The following NRG1 variants were observed in gnomAD, a reference collection of about 807,000 sequenced individuals.
NRG1 encodes the protein neuregulin 1, also known as pro-neuregulin-1, membrane-bound isoform.
In NRG1, 18 loss-of-function variants were observed where a neutral mutation model predicts 63.8. The ratio of observed to expected loss-of-function variants is 0.28; its 90% CI spans 0.19 to 0.42. The LOEUF (loss-of-function observed/expected upper bound fraction) is 0.42. NRG1 is among the 10% of genes least tolerant of loss of function. The pLI is 1.00. For missense variants in NRG1, 762 were observed against 814.7 expected, an observed-to-expected ratio of 0.94 and a Z score of 0.79; for synonymous variants, 302 against 301.3, an observed-to-expected ratio of 1.00 and a Z score of -0.02.
chr8:32,166,105 AT>A (rs1197044863), intron 1 of NRG1, among the ~76,000 whole-genome samples: 1 of 152,152 alleles, frequency 6.6e-6, no homozygotes, highest in African/African-American at 2.4e-5. Flanking sequence ...ATAGACAAAT[AT>A]TGTAGCCACT....
chr8:32,194,661 T>G (rs1038523373), intron 1 of NRG1, among the ~76,000 whole-genome samples: 20 of 152,268 alleles, frequency 1.3e-4, no homozygotes, highest in African/African-American at 4.8e-4. Context: ...AATGTGCTTC[T>G]CTATCGCTTT....
chr8:32,732,227 A>T (rs1249652868), intron 6 of NRG1, among the ~76,000 whole-genome samples: 1 of 152,204 alleles, frequency 6.6e-6, no homozygotes, highest in African/African-American at 2.4e-5. Context: ...TCCAGATTAT[A>T]AAAAGATGAG....
At chr8:32,314,344 AT>A (rs1857139323) in intron 1 of NRG1, among the ~76,000 whole-genome samples, 1 of 152,228 alleles carries the variant, frequency 6.6e-6, no homozygotes, top group Admixed American at 6.5e-5. Flanking sequence ...GGAAACATGG[AT>A]GTCTAAAGCT....
At chr8:31,766,842 C>T (rs972816033) in intron 1 of NRG1, among the ~76,000 whole-genome samples, 3 of 152,124 alleles carry the variant, frequency 2.0e-5, no homozygotes, top group African/African-American at 7.2e-5. Flanking sequence ...CCACTTGTTA[C>T]GATCTTGCTC....
chr8:31,996,934 C>T lies in NRG1; in HGVS notation c.37+357503C>T, dbSNP rs529378351. 3.3e-5 allele frequency among the ~76,000 whole-genome samples: 5 copies of T among 151,998 alleles called. No homozygotes were observed. In the South Asian group the frequency reaches 1.0e-3, roughly 32 times the overall value. Reference sequence around the variant, plus strand: ...ATCTCTACTAAGGGGGGGTGGGATTCACTGTCAAAAGAGTTCTTCTCTTTA... The same window carrying T: ...ATCTCTACTAAGGGGGGGTGGGATTTACTGTCAAAAGAGTTCTTCTCTTTA... On this transcript the variant is annotated intron_variant, in intron 1 of 10. Coordinates refer to the NRG1 transcript ENST00000519301.
At chr8:32,760,114 T>C in intron 10 of NRG1, 86 bp from the exon 11 acceptor site, 1 of 1,489,056 alleles carries the variant, frequency 6.7e-7, no homozygotes, top group Non-Finnish European at 9.2e-7. Flanking sequence ...TTGAAACATT[T>C]GTCAGAATCC....
At chr8:32,590,294 C>G (rs1349293407) in intron 1 of NRG1, among the ~76,000 whole-genome samples, 2 of 152,142 alleles carry the variant, frequency 1.3e-5, no homozygotes, top group African/African-American at 4.8e-5. Context: ...TAGATTTAGG[C>G]ACAGACTGCT....
At chr8:32,675,866 A>G (rs1161771992) in intron 5 of NRG1, among the ~76,000 whole-genome samples, 2 of 152,278 alleles carry the variant, frequency 1.3e-5, no homozygotes, top group South Asian at 2.1e-4. Flanking sequence ...TATGTGAAAT[A>G]CTCAAGTTAA....
At chr8:32,771,276 ATTTTTTTTTTTTT>A (rs553989637), downstream of NRG1, among the ~76,000 whole-genome samples, 6 of 92,754 alleles carry the variant, frequency 6.5e-5, no homozygotes, top group African/African-American at 2.3e-4. Context: ...ATGCCCAGCG[ATTTTTTTTTTTTT>A]TTTTTTTTTT....
chr8:32,765,667 C>G (rs892083972), exon 12 of NRG1: 1 of 152,126 alleles, frequency 6.6e-6, no homozygotes, highest in African/African-American at 2.4e-5. Flanking sequence ...TTTGTAATCA[C>G]AAGTAATGAT....
At chr8:31,983,922 C>T (rs556584730) in intron 1 of NRG1, among the ~76,000 whole-genome samples, 1 of 151,952 alleles carries the variant, frequency 6.6e-6, no homozygotes, top group Non-Finnish European at 1.5e-5. Context: ...AGAAGAATGT[C>T]GAAGACCAAA....
At chr8:32,043,106 A>C (rs937559767) in intron 1 of NRG1, among the ~76,000 whole-genome samples, 1 of 152,040 alleles carries the variant, frequency 6.6e-6, no homozygotes, top group East Asian at 1.9e-4. Context: ...AGAAAACTCA[A>C]AATAAACACA....
intron 1 of NRG1, among the ~76,000 whole-genome samples, chr8:32,017,036 G>A (rs1286628771): frequency 1.3e-5 from 2 of 152,176 alleles, no homozygotes; most frequent in Non-Finnish European, 2.9e-5. Context: ...TATTAATTCA[G>A]AAGATGTTAA....
intron 1 of NRG1, among the ~76,000 whole-genome samples, chr8:31,908,883 A>G (rs1028581367): frequency 2.0e-5 from 3 of 152,176 alleles, no homozygotes; most frequent in Non-Finnish European, 2.9e-5. Context: ...TCCTTCCTTC[A>G]AGTTCATTGA....
At chr8:32,229,063 A>G (rs181293995) in intron 1 of NRG1, among the ~76,000 whole-genome samples, 130 of 152,272 alleles carry the variant, frequency 8.5e-4, no homozygotes, top group African/African-American at 2.9e-3. Flanking sequence ...AAGCCTTCCT[A>G]AAGAGTGCAT....
chr8:32,472,544 A>T (rs1022919026), intron 1 of NRG1, among the ~76,000 whole-genome samples: 1 of 152,192 alleles, frequency 6.6e-6, no homozygotes, highest in Admixed American at 6.5e-5. Flanking sequence ...ATCTTTTTAA[A>T]ATGTGCAGTT....
chr8:32,059,983 T>G (rs1352771745), intron 1 of NRG1, among the ~76,000 whole-genome samples: 2 of 152,004 alleles, frequency 1.3e-5, no homozygotes, highest in Non-Finnish European at 2.9e-5. Context: ...TTACTCCCTC[T>G]ACTTTTCTAT....
intron 1 of NRG1, among the ~76,000 whole-genome samples, chr8:32,449,277 A>G (rs2129487975): frequency 6.6e-6 from 1 of 152,238 alleles, no homozygotes; most frequent in African/African-American, 2.4e-5. Flanking sequence ...AGCCTGGGCA[A>G]CAGAGCAAGA....
chr8:31,789,151 T>C (rs1402583460), intron 1 of NRG1, among the ~76,000 whole-genome samples: 2 of 152,190 alleles, frequency 1.3e-5, no homozygotes, highest in African/African-American at 4.8e-5. Context: ...AACTTGAAAA[T>C]CTTAAAGTCT....
Sources: allele counts gnomAD v4.1 joint callset (sites outside exome capture counted in the v4.1 genomes callset), GRCh38; gene constraint gnomAD v4.1.1; transcripts MANE v1.5; gene names NCBI Gene and HGNC (gene_info 2026-07-23, HGNC 2026-07-21).